Variants in ASIP observed in about 807,000 individuals in gnomAD.
ASIP encodes agouti signaling protein, also known as agouti-signaling protein.
Under a neutral mutation model 10.3 loss-of-function variants are expected in ASIP, and 11 were observed. That is an observed-to-expected ratio of 1.07 (90% CI 0.68 to 1.78). ASIP has a LOEUF of 1.78. Ranked by LOEUF, ASIP falls within the 40% of genes most tolerant of loss-of-function variation. ASIP has a pLI of 0.00. For missense variants in ASIP, 180 were observed against 169.2 expected (o/e 1.06, Z -0.35); for synonymous variants, 70 against 70.8 (o/e 0.99, Z 0.06).
upstream of ASIP, among the ~76,000 whole-genome samples, chr20:34,192,521 C>T (rs1601565867): frequency 1.4e-5 from 2 of 141,776 alleles, no homozygotes; most frequent in South Asian, 2.2e-4. Context: ...TTTTCTTCTT[C>T]TTTTTTTTTT....
intron 3 of ASIP, among the ~76,000 whole-genome samples, chr20:34,263,772 G>A (rs1440180721): frequency 6.6e-6 from 1 of 150,952 alleles, no homozygotes; most frequent in Non-Finnish European, 1.5e-5. Flanking sequence ...GAGTTCAAGC[G>A]ATTCTCATGC....
At chr20:34,209,565 G>C (rs2034959568) in intron 1 of ASIP, among the ~76,000 whole-genome samples, 2 of 152,202 alleles carry the variant, frequency 1.3e-5, no homozygotes, top group Admixed American at 6.5e-5. Flanking sequence ...CCACTGCCTG[G>C]CCTCTCCCTG....
chr20:34,253,676 G>C (rs1415977535), intron 1 of ASIP, among the ~76,000 whole-genome samples: 1 of 151,752 alleles, frequency 6.6e-6, no homozygotes, highest in Non-Finnish European at 1.5e-5. Context: ...TCACCATGTT[G>C]GCCATGCTGG....
intron 3 of ASIP, among the ~76,000 whole-genome samples, chr20:34,264,770 AT>A (rs2035755325): frequency 8.3e-6 from 1 of 120,754 alleles, no homozygotes; most frequent in Non-Finnish European, 1.8e-5. Context: ...TTAATATTTT[AT>A]TTTCCCTAGT....
intron 1 of ASIP, among the ~76,000 whole-genome samples, chr20:34,258,690 T>TATATATATATATATATATATATATACAC (rs1250992566): frequency 9.7e-5 from 7 of 72,306 alleles, no homozygotes; most frequent in African/African-American, 3.7e-4. Flanking sequence ...TATATATATA[T>TATATATATATATATATATATATATACAC]ACATACTATA....
At chr20:34,256,042 T>A (rs1236098153) in intron 1 of ASIP, among the ~76,000 whole-genome samples, 3 of 152,270 alleles carry the variant, frequency 2.0e-5, no homozygotes, top group Non-Finnish European at 4.4e-5. Flanking sequence ...TCCGCTTTCA[T>A]GTTCCACCCC....
chr20:34,263,705 G>A (rs975848618), intron 3 of ASIP, among the ~76,000 whole-genome samples: 1 of 142,608 alleles, frequency 7.0e-6, no homozygotes, highest in Admixed American at 7.4e-5. Context: ...TTTCGCTCTC[G>A]TTGCCCAGGC....
intron 2 of ASIP, among the ~76,000 whole-genome samples, chr20:34,260,989 T>C (rs2035679948): frequency 1.3e-5 from 2 of 152,174 alleles, no homozygotes; most frequent in South Asian, 4.1e-4. Flanking sequence ...CACCTGATAA[T>C]AATCATAGAC....
chr20:34,196,538 C>T (rs923522064), intron 1 of ASIP, among the ~76,000 whole-genome samples: 1 of 151,996 alleles, frequency 6.6e-6, no homozygotes, highest in Non-Finnish European at 1.5e-5. Context: ...GAGATGCGGG[C>T]GGGACGTCAT....
chr20:34,218,621 CA>C (rs1854321987), intron 1 of ASIP, among the ~76,000 whole-genome samples: 1 of 152,062 alleles, frequency 6.6e-6, no homozygotes, highest in African/African-American at 2.4e-5. Flanking sequence ...TGTCATTTAA[CA>C]GGGGGAATCA....
At chr20:34,186,791 C>A in the ASIP span, among the ~76,000 whole-genome samples, 1 of 151,818 alleles carries the variant, frequency 6.6e-6, no homozygotes, top group Non-Finnish European at 1.5e-5. Flanking sequence ...GCTTTGGCAG[C>A]AGTAGGTTGT....
chr20:34,257,321 G>A (rs1048058073), intron 1 of ASIP, among the ~76,000 whole-genome samples: 1 of 152,054 alleles, frequency 6.6e-6, no homozygotes, highest in Admixed American at 6.5e-5. Flanking sequence ...CTGACCCCAA[G>A]TGATCCATTC....
intron 1 of ASIP, among the ~76,000 whole-genome samples, chr20:34,243,738 C>T (rs2035319792): frequency 6.8e-6 from 1 of 146,696 alleles, no homozygotes; most frequent in Non-Finnish European, 1.5e-5. Context: ...TAATACTTTA[C>T]ATTTTTCTAA....
intron 1 of ASIP, among the ~76,000 whole-genome samples, chr20:34,203,017 C>A (rs2034911000): frequency 1.3e-5 from 2 of 151,906 alleles, no homozygotes; most frequent in South Asian, 4.1e-4. Context: ...ACCGCGTTAG[C>A]CAGGATGGTG....
intron 1 of ASIP, chr20:34,215,433 C>A: frequency 1.3e-6 from 2 of 1,530,788 alleles, no homozygotes; most frequent in South Asian, 2.2e-5. Flanking sequence ...CACGATCCAC[C>A]AACTCTGAGT....
chr20:34,234,308 T>A (rs998404193), intron 1 of ASIP, among the ~76,000 whole-genome samples: 1 of 152,160 alleles, frequency 6.6e-6, no homozygotes, highest in Non-Finnish European at 1.5e-5. Context: ...ACAAGACCAC[T>A]AGTGCCTAAG....
intron 1 of ASIP, chr20:34,246,381 G>T: frequency 7.0e-7 from 1 of 1,434,512 alleles, no homozygotes; most frequent in Non-Finnish European, 9.6e-7. Context: ...TCTAACCATT[G>T]TTTACAATGA....
chr20:34,201,017 C>CTTCCTTCCTTCTTTCTTTCT (rs751841818), intron 1 of ASIP, among the ~76,000 whole-genome samples: 127 of 63,020 alleles, frequency 2.0e-3, no homozygotes, highest in South Asian at 3.1e-3. Context: ...TCCTTCCTTC[C>CTTCCTTCCTTCTTTCTTTCT]TTCTTTCTTT....
the ASIP span, among the ~76,000 whole-genome samples, chr20:34,187,855 G>A: frequency 6.6e-6 from 1 of 152,184 alleles, no homozygotes; most frequent in Admixed American, 6.5e-5. Context: ...CATTACAAGA[G>A]TAAATATAGT....
Sources: allele counts gnomAD v4.1 joint callset (sites outside exome capture counted in the v4.1 genomes callset), GRCh38; gene constraint gnomAD v4.1.1; transcripts MANE v1.5; gene names NCBI Gene and HGNC (gene_info 2026-07-23, HGNC 2026-07-21).